Variants in TMEM108 observed in about 807,000 individuals in gnomAD.
TMEM108 encodes transmembrane protein 108.
In TMEM108, 12 loss-of-function variants were observed where a neutral mutation model predicts 35.1. The observed-to-expected ratio is 0.34, with a 90% confidence interval of 0.22 to 0.55. TMEM108 has a LOEUF of 0.55. TMEM108 is among the 20% of genes least tolerant of loss of function. The pLI is 0.89. For synonymous variants in TMEM108, 287 were observed against 308.6 expected, an observed-to-expected ratio of 0.93 and a Z score of 0.73; for missense variants, 680 against 753.3, an observed-to-expected ratio of 0.90 and a Z score of 1.14.
chr3:133,294,495 G>A (rs948979122), intron 3 of TMEM108, among the ~76,000 whole-genome samples: 4 of 152,016 alleles, frequency 2.6e-5, no homozygotes, highest in East Asian at 1.9e-4. Context: ...GATTCTTTCC[G>A]GATAATTTAA....
chr3:133,307,834 T>C (rs1264430136), intron 3 of TMEM108, among the ~76,000 whole-genome samples: 1 of 152,080 alleles, frequency 6.6e-6, no homozygotes, highest in Non-Finnish European at 1.5e-5. Flanking sequence ...CTTAGGATTG[T>C]CTTGGCGGGC....
At chr3:133,157,745 C>T (rs1944901410) in intron 2 of TMEM108, among the ~76,000 whole-genome samples, 1 of 152,170 alleles carries the variant, frequency 6.6e-6, no homozygotes. Flanking sequence ...ATATAGTAAG[C>T]ATTCAGTGTA....
chr3:133,218,911 T>C lies in TMEM108; in HGVS notation c.-46-10355T>C, dbSNP rs180808717. Among the ~76,000 whole-genome samples the C allele has an allele frequency of 1.7e-3, 256 of 152,198 alleles. 2 individuals are homozygous for C. The highest frequency in any genetic ancestry group is 6.0e-3 in the African/African-American group (248 of 41,580). On this transcript the variant is annotated intron_variant, in intron 2 of 5. Transcript: ENST00000321871. ...TAGCCTTCTAAAAATGAGTTGTAAT[T>C]ATTCCCTCTTCTTAAGTTTTTTTTG...
intron 3 of TMEM108, among the ~76,000 whole-genome samples, chr3:133,320,909 G>T (rs546524473): frequency 2.2e-4 from 34 of 152,204 alleles, no homozygotes; most frequent in Non-Finnish European, 4.6e-4. Flanking sequence ...ATTTTGTATT[G>T]AGCAAAAACT....
chr3:133,066,003 T>A (rs1420041951), intron 2 of TMEM108, among the ~76,000 whole-genome samples: 6 of 152,210 alleles, frequency 3.9e-5, no homozygotes, highest in African/African-American at 1.2e-4. Flanking sequence ...TCTCTTTTGC[T>A]TCATTAGTGT....
intron 2 of TMEM108, among the ~76,000 whole-genome samples, chr3:133,227,197 T>G (rs1476579950): frequency 2.9e-5 from 4 of 139,562 alleles, no homozygotes; most frequent in Non-Finnish European, 6.2e-5. Flanking sequence ...TTCTTTTTTT[T>G]TTTTTTTTTT....
At chr3:133,358,868 T>C (rs1227565077) in intron 3 of TMEM108, among the ~76,000 whole-genome samples, 1 of 152,136 alleles carries the variant, frequency 6.6e-6, no homozygotes, top group African/African-American at 2.4e-5. Flanking sequence ...TGGGAGCATG[T>C]AGGGAGAAAG....
chr3:133,174,113 T>C (rs1425456204), intron 2 of TMEM108, among the ~76,000 whole-genome samples: 1 of 152,166 alleles, frequency 6.6e-6, no homozygotes, highest in African/African-American at 2.4e-5. Context: ...AACTGCAAGG[T>C]GGCAGCGAGG....
intron 2 of TMEM108, among the ~76,000 whole-genome samples, chr3:133,086,826 A>C (rs1266227549): frequency 6.6e-6 from 1 of 152,214 alleles, no homozygotes; most frequent in African/African-American, 2.4e-5. Context: ...TGGGCATTAC[A>C]TGGATGTGTG....
chr3:133,165,828 T>C (rs1478619001), intron 2 of TMEM108, among the ~76,000 whole-genome samples: 1 of 152,206 alleles, frequency 6.6e-6, no homozygotes, highest in African/African-American at 2.4e-5. Flanking sequence ...ACATGTGTAT[T>C]AGACAAAATG....
At chr3:133,099,724 A>G (rs970600311) in intron 2 of TMEM108, among the ~76,000 whole-genome samples, 2 of 152,208 alleles carry the variant, frequency 1.3e-5, no homozygotes, top group Admixed American at 6.5e-5. Flanking sequence ...CTAAAACATA[A>G]TAAGAGTCAC....
intron 3 of TMEM108, among the ~76,000 whole-genome samples, chr3:133,314,728 T>C (rs1329266593): frequency 2.6e-5 from 4 of 152,214 alleles, no homozygotes; most frequent in Non-Finnish European, 2.9e-5. Flanking sequence ...GGTGGATGGA[T>C]AGCTTTGCCC....
intron 2 of TMEM108, among the ~76,000 whole-genome samples, chr3:133,202,851 G>T (rs1945691131): frequency 6.6e-6 from 1 of 152,000 alleles, no homozygotes; most frequent in Non-Finnish European, 1.5e-5. Context: ...AGCTTGATGG[G>T]GATATCATTG....
At chr3:133,244,108 C>T (rs917106787) in intron 3 of TMEM108, among the ~76,000 whole-genome samples, 1 of 152,146 alleles carries the variant, frequency 6.6e-6, no homozygotes, top group Admixed American at 6.5e-5. Flanking sequence ...TCGGATCTCT[C>T]AGTCATTGGT....
chr3:133,207,157 T>C (rs1163493550), intron 2 of TMEM108, among the ~76,000 whole-genome samples: 3 of 152,082 alleles, frequency 2.0e-5, no homozygotes, highest in South Asian at 2.1e-4. Context: ...GCGAAGACCA[T>C]GGGAAAAGCA....
intron 3 of TMEM108, among the ~76,000 whole-genome samples, chr3:133,332,082 G>GCGCACA (rs1375377477): frequency 2.0e-5 from 3 of 150,916 alleles, no homozygotes; most frequent in African/African-American, 7.3e-5. Flanking sequence ...GTGCGCACGT[G>GCGCACA]CACACACACA....
intron 4 of TMEM108, among the ~76,000 whole-genome samples, chr3:133,384,552 G>A (rs964532636): frequency 2.6e-5 from 4 of 152,212 alleles, no homozygotes; most frequent in South Asian, 2.1e-4. Flanking sequence ...AGCCACGCAC[G>A]TTTTCAGAAG....
At chr3:133,135,766 A>G (rs1944556685) in intron 2 of TMEM108, among the ~76,000 whole-genome samples, 1 of 152,216 alleles carries the variant, frequency 6.6e-6, no homozygotes, top group Admixed American at 6.5e-5. Flanking sequence ...TAACAGATTC[A>G]AAGTGTAGAG....
intron 3 of TMEM108, among the ~76,000 whole-genome samples, chr3:133,365,186 G>A (rs983193464): frequency 6.6e-6 from 1 of 152,148 alleles, no homozygotes; most frequent in Non-Finnish European, 1.5e-5. Flanking sequence ...ATTGTTGTGG[G>A]TTGGGGAAGG....
Sources: gnomAD v4.1 joint callset for allele counts (sites outside exome capture counted in the v4.1 genomes callset) on GRCh38, gnomAD v4.1.1 for gene constraint, MANE v1.5 for transcripts, NCBI Gene and HGNC (gene_info 2026-07-23, HGNC 2026-07-21) for gene names.